ZNF322: variants seen among roughly 807,000 people sequenced by gnomAD.
ZNF322 encodes zinc finger protein 322, also known as HLA complex group 12.
A neutral mutation model predicts 18.3 loss-of-function variants in ZNF322; 1 was observed. The observed-to-expected ratio is 0.05, with a 90% confidence interval of 0.02 to 0.26. ZNF322 has a LOEUF of 0.26. Among genes scored for constraint, ZNF322 ranks in the 10% least tolerant of loss-of-function variants. The pLI is 1.00. For missense variants in ZNF322, 36 were observed against 403.6 expected (o/e 0.09, Z 7.80); for synonymous variants, 17 against 130.7 (o/e 0.13, Z 5.93).
intron 3 of ZNF322, among the ~76,000 whole-genome samples, chr6:26,642,813 T>C (rs1581489727): frequency 6.6e-6 from 1 of 152,236 alleles, no homozygotes; most frequent in Non-Finnish European, 1.5e-5. Flanking sequence ...ACCTATCACC[T>C]GCCTCATCTC....
intron 2 of ZNF322, among the ~76,000 whole-genome samples, chr6:26,645,091 C>T (rs782243852): frequency 1.8e-4 from 27 of 151,482 alleles, no homozygotes; most frequent in South Asian, 4.2e-4. Context: ...TTAAAATTGG[C>T]CATGGAAGTC....
chr6:26,650,654 T>A (rs553269728), intron 2 of ZNF322, among the ~76,000 whole-genome samples: 2 of 152,232 alleles, frequency 1.3e-5, no homozygotes, highest in African/African-American at 4.8e-5. Flanking sequence ...AATGAACAAG[T>A]AAAATTTGAA....
chr6:26,654,328 A>C (rs1765726992), intron 2 of ZNF322, among the ~76,000 whole-genome samples: 1 of 152,154 alleles, frequency 6.6e-6, no homozygotes, highest in South Asian at 2.1e-4. Context: ...GAAGTCATGG[A>C]AACAATAAAA....
chr6:26,647,849 C>T (rs1413370502), intron 2 of ZNF322, among the ~76,000 whole-genome samples: 1 of 148,922 alleles, frequency 6.7e-6, no homozygotes, highest in Non-Finnish European at 1.5e-5. Flanking sequence ...ATGAAGAGAG[C>T]ATAAAAAAAT....
At position 26,634,550 on chromosome 6, in the gene ZNF322, A is replaced by T. The variant is rs1353491902; in HGVS notation, c.*2795T>A. 3.0e-5 allele frequency: 4 copies of T among 131,630 alleles called. No homozygotes were observed. Among genetic ancestry groups the T allele is most frequent in the Non-Finnish European group, 4.8e-5 (3 of 62,682 alleles). 8.2% of individuals were successfully genotyped at this position (131,630 alleles called of 1,614,324 possible). On this transcript the variant is annotated 3_prime_UTR_variant, in exon 4 of 4. Transcript: ENST00000415922. ...ATTTAGGTTGGCACTGCTTCAAGGG[A>T]ACCTCCGTCCATCCCAGAAGTTACC... is the stretch of plus-strand genomic sequence containing the variant.
At chr6:26,652,825 T>C (rs1765695827) in intron 2 of ZNF322, among the ~76,000 whole-genome samples, 1 of 152,178 alleles carries the variant, frequency 6.6e-6, no homozygotes, top group African/African-American at 2.4e-5. Flanking sequence ...TATCACTCTG[T>C]TGAAGAGATT....
chr6:26,650,875 A>G (rs1441217704), intron 2 of ZNF322, among the ~76,000 whole-genome samples: 1 of 152,228 alleles, frequency 6.6e-6, no homozygotes, highest in African/African-American at 2.4e-5. Context: ...CTTGTACTAC[A>G]GATTCAACAC....
intron 3 of ZNF322, among the ~76,000 whole-genome samples, chr6:26,639,236 G>A (rs1554148101): frequency 6.6e-6 from 1 of 152,096 alleles, no homozygotes; most frequent in Non-Finnish European, 1.5e-5. Flanking sequence ...TCTGTAAAGT[G>A]GATTAATAAT....
chr6:26,652,805 G>T (rs1765695517), intron 2 of ZNF322, among the ~76,000 whole-genome samples: 1 of 152,150 alleles, frequency 6.6e-6, no homozygotes, highest in South Asian at 2.1e-4. Flanking sequence ...TTCACTGATT[G>T]TAAGAAATGT....
chr6:26,640,848 G>T (rs1765455252), intron 3 of ZNF322, among the ~76,000 whole-genome samples: 1 of 152,094 alleles, frequency 6.6e-6, no homozygotes, highest in Non-Finnish European at 1.5e-5. Flanking sequence ...TGGGGAGAAG[G>T]TACACGGTTT....
At chr6:26,638,985 T>G (rs956199556) in intron 3 of ZNF322, among the ~76,000 whole-genome samples, 2 of 152,204 alleles carry the variant, frequency 1.3e-5, no homozygotes, top group Non-Finnish European at 2.9e-5. Context: ...TCATCTTTCC[T>G]TGCTTCAGTT....
chr6:26,651,542 T>G (rs1301676529), intron 2 of ZNF322: 1 of 152,214 alleles, frequency 6.6e-6, no homozygotes, highest in Non-Finnish European at 1.5e-5. Flanking sequence ...TTCTACATCA[T>G]GCCTAATAAA....
chr6:26,644,783 CATTTATTTATTTATCT>C (rs782689809), intron 2 of ZNF322, among the ~76,000 whole-genome samples: 15 of 152,216 alleles, frequency 9.9e-5, no homozygotes, highest in South Asian at 2.1e-4. Context: ...GTTTTCACAC[CATTTATTTATTTATCT>C]ATTTATTTAT....
At chr6:26,644,521 C>T (rs1765521083) in intron 2 of ZNF322, among the ~76,000 whole-genome samples, 1 of 152,184 alleles carries the variant, frequency 6.6e-6, no homozygotes, top group Non-Finnish European at 1.5e-5. Flanking sequence ...GATGTCATCC[C>T]ATTGAATCCA....
chr6:26,649,675 G>A (rs2494712), intron 2 of ZNF322, among the ~76,000 whole-genome samples: 3,849 of 22,586 alleles, frequency 0.17, 164 homozygotes, highest in Non-Finnish European at 0.19. Context: ...GTGTGTGTGT[G>A]TATATATATA....
chr6:26,647,109 GC>G (rs1435435640), intron 2 of ZNF322, among the ~76,000 whole-genome samples: 4 of 151,982 alleles, frequency 2.6e-5, no homozygotes, highest in African/African-American at 9.7e-5. Context: ...TTCAAGACCA[GC>G]CTGGGCAATA....
chr6:26,657,267 C>A (rs1765796350), intron 2 of ZNF322, among the ~76,000 whole-genome samples: 1 of 151,636 alleles, frequency 6.6e-6, no homozygotes, highest in African/African-American at 2.4e-5. Context: ...AAAAAAAAAT[C>A]ACGACACTTC....
intron 2 of ZNF322, among the ~76,000 whole-genome samples, chr6:26,649,465 T>A (rs1765612953): frequency 6.6e-6 from 1 of 151,364 alleles, no homozygotes; most frequent in African/African-American, 2.4e-5. Context: ...CAATATAAAC[T>A]CCCAATTGGT....
chr6:26,654,732 G>T (rs917494975), intron 2 of ZNF322, among the ~76,000 whole-genome samples: 6 of 151,842 alleles, frequency 4.0e-5, no homozygotes, highest in Admixed American at 2.0e-4. Flanking sequence ...AAAATTTCAC[G>T]ATGTTCAATC....
Sources: gnomAD v4.1 joint callset for allele counts (sites outside exome capture counted in the v4.1 genomes callset) on GRCh38, gnomAD v4.1.1 for gene constraint, MANE v1.5 for transcripts, NCBI Gene and HGNC (gene_info 2026-07-23, HGNC 2026-07-21) for gene names.